SCP2: variants seen among roughly 807,000 people sequenced by gnomAD.
SCP2 encodes SCP-2/3-oxoacyl-CoA thiolase.
A neutral mutation model predicts 71.4 loss-of-function variants in SCP2; 48 were observed. The observed-to-expected ratio is 0.67, with a 90% CI of 0.53 to 0.86. The LOEUF (loss-of-function observed/expected upper bound fraction) is 0.86, where lower values mean the gene tolerates loss of function less well. Ranked by LOEUF, SCP2 falls within the 40% of genes least tolerant of loss-of-function variation. The pLI is 0.00. For missense variants in SCP2, 560 were observed against 655.6 expected (o/e 0.85, Z 1.59); for synonymous variants, 220 against 218.1 (o/e 1.01, Z -0.08).
At chr1:53,037,470 A>C (rs1663039017) in intron 13 of SCP2, among the ~76,000 whole-genome samples, 1 of 152,044 alleles carries the variant, frequency 6.6e-6, no homozygotes, top group African/African-American at 2.4e-5. Flanking sequence ...TGCCTGTAAC[A>C]ATATTTGGCT....
intron 4 of SCP2, 65 bp from the exon 5 acceptor site, chr1:52,954,675 A>T: frequency 8.0e-7 from 1 of 1,249,668 alleles, no homozygotes; most frequent in Non-Finnish European, 1.2e-6. Flanking sequence ...GAATTGAAGT[A>T]TTTAATGGTA....
At chr1:52,939,770 C>G (rs11206046) in intron 1 of SCP2, among the ~76,000 whole-genome samples, 4,000 of 152,170 alleles carry the variant, frequency 0.026, 182 homozygotes, top group African/African-American at 0.091. Flanking sequence ...CCTCTGCCTC[C>G]TGGGTTTTCC....
In SCP2 at chr1:52,931,942, TA is replaced by T. The variant is rs767240143; in HGVS notation, c.69+4486del. Among the ~76,000 whole-genome samples the T allele has an allele frequency of 2.9e-3, 430 of 150,746 alleles. 5 individuals carry two copies. Among genetic ancestry groups the T allele is most frequent in the African/African-American group, 9.7e-3 (400 of 41,154 alleles). On this transcript the variant is annotated intron_variant, in intron 1 of 15. Coordinates refer to ENST00000371514, the MANE Select transcript of SCP2 (RefSeq NM_002979.5). ...CTGAAAAAAGAACTGAGTGCTATTT[TA>T]AAAAAAAAGACATAGGAAAGAGCTC...
rs115479144 is a variant in SCP2, at chr1:53,033,903, A to G, written c.1339-5014A>G. 6.2e-3 allele frequency among the ~76,000 whole-genome samples: 949 copies of G among 152,338 alleles called. 16 individuals are homozygous for G. The highest frequency in any genetic ancestry group is 0.022 in the African/African-American group (912 of 41,568). ...ATAATAGGAAAAAATGAAAACAACC[A>G]TCAGCTGCTGAATACATAAACAAAA... is the stretch of plus-strand genomic sequence containing the variant. On this transcript the variant is annotated intron_variant, in intron 13 of 15. Transcript: ENST00000371514.
chr1:53,010,556 C>T lies in SCP2; in HGVS notation c.1082-4334C>T, dbSNP rs1010597937. The stretch of plus-strand genomic sequence containing the variant: ...GAAAACCAAACACCACATGTTCTCA[C>T]TCATAGGTGGGAATTGAACAATGAG... On this transcript the variant is annotated intron_variant, in intron 11 of 15. Coordinates refer to ENST00000371514, the MANE Select transcript of SCP2 (RefSeq NM_002979.5). 3.3e-5 allele frequency among the ~76,000 whole-genome samples: 5 copies of T among 151,800 alleles called. No individual in the cohort carries two copies. In the South Asian group the frequency reaches 1.0e-3, roughly 32 times the overall value.
chr1:52,941,643 G>A (rs1368223822), intron 1 of SCP2, among the ~76,000 whole-genome samples, 153 bp from the exon 2 acceptor site: 1 of 151,530 alleles, frequency 6.6e-6, no homozygotes, highest in Non-Finnish European at 1.5e-5. Flanking sequence ...GCTGAGCCAG[G>A]AGAATGGCTT....
At chr1:53,019,575 T>G (rs924784911) in intron 12 of SCP2, among the ~76,000 whole-genome samples, 4 of 152,202 alleles carry the variant, frequency 2.6e-5, no homozygotes, top group African/African-American at 9.7e-5. Context: ...GGATCAGTCA[T>G]TTCTCTGAGT....
At chr1:52,948,624 CAAA>C (rs567151231) in intron 3 of SCP2, among the ~76,000 whole-genome samples, 2 of 49,536 alleles carry the variant, frequency 4.0e-5, no homozygotes, top group Admixed American at 2.3e-4. Context: ...GACTCCATCT[CAAA>C]AAAAAAAAAA....
intron 11 of SCP2, 37 bp downstream of exon 11, chr1:52,988,173 A>AT (rs766094464): frequency 9.3e-7 from 1 of 1,078,592 alleles, no homozygotes; most frequent in Non-Finnish European, 1.4e-6. Context: ...TTTTAAAATC[A>AT]TTTTTTCCTT....
intron 4 of SCP2, among the ~76,000 whole-genome samples, chr1:52,951,458 C>CTGAATGAGGTGGCACATTCGTGTG (rs1161034614): frequency 3.3e-5 from 5 of 149,850 alleles, no homozygotes; most frequent in Admixed American, 6.7e-5. Context: ...AAAAAATTAG[C>CTGAATGAGGTGGCACATTCGTGTG]CAGGCGTGGT....
Position 52,966,946 on chromosome 1 carries a change from G to C in SCP2, c.523+5317G>C, listed in dbSNP as rs970297902. Among the ~76,000 whole-genome samples, 4 of 152,074 alleles carry C rather than the reference G, an allele frequency of 2.6e-5. No individual in the cohort carries two copies. The East Asian group carries it at 5.8e-4, about 22-fold the overall frequency. On this transcript the variant is annotated intron_variant, in intron 6 of 15. Transcript: ENST00000371514. ...CTCATGCCTGTAATCCCAGCACTTT[G>C]GGAGGCTAAGGTGGACGGATTACCT...
intron 11 of SCP2, among the ~76,000 whole-genome samples, chr1:52,996,560 AT>A (rs762005692): frequency 6.6e-6 from 1 of 152,068 alleles, no homozygotes; most frequent in Non-Finnish European, 1.5e-5. Context: ...TGTTAGCAGT[AT>A]TTTCTCCATT....
At chr1:52,965,989 T>C (rs1217333361) in intron 6 of SCP2, among the ~76,000 whole-genome samples, 1 of 152,050 alleles carries the variant, frequency 6.6e-6, no homozygotes, top group Admixed American at 6.6e-5. Flanking sequence ...GCTATCTCAC[T>C]GAAGTTTTTA....
intron 13 of SCP2, among the ~76,000 whole-genome samples, chr1:53,029,772 A>G (rs925215108): frequency 7.9e-5 from 12 of 152,230 alleles, no homozygotes; most frequent in African/African-American, 2.7e-4. Context: ...GCATTGGCCT[A>G]GAAGCTGCAG....
intron 13 of SCP2, among the ~76,000 whole-genome samples, chr1:53,037,901 C>T (rs1198688546): frequency 9.6e-6 from 1 of 104,458 alleles, no homozygotes; most frequent in Non-Finnish European, 1.7e-5. Context: ...CACACACACA[C>T]ACACACACAC....
At chr1:52,982,248 T>C (rs1658571891) in intron 10 of SCP2, among the ~76,000 whole-genome samples, 1 of 152,118 alleles carries the variant, frequency 6.6e-6, no homozygotes, top group South Asian at 2.1e-4. Context: ...TGTCTTCAAA[T>C]ATTGTCAAAT....
At chr1:52,965,543 C>T (rs1382071612) in intron 6 of SCP2, among the ~76,000 whole-genome samples, 3 of 152,054 alleles carry the variant, frequency 2.0e-5, no homozygotes, top group Non-Finnish European at 4.4e-5. Flanking sequence ...TCTTTAATTC[C>T]TTTAATCATC....
chr1:52,960,557 T>G (rs565959068), intron 5 of SCP2, among the ~76,000 whole-genome samples: 4 of 142,202 alleles, frequency 2.8e-5, no homozygotes, highest in East Asian at 5.4e-4. Context: ...TACATGTGTA[T>G]ATATGTATGT....
intron 11 of SCP2, among the ~76,000 whole-genome samples, chr1:52,990,530 C>T (rs1401276594): frequency 2.0e-5 from 3 of 151,728 alleles, no homozygotes; most frequent in Non-Finnish European, 4.4e-5. Context: ...GTCAGGAGAT[C>T]AAGACCATCC....
Sources: allele counts gnomAD v4.1 joint callset (sites outside exome capture counted in the v4.1 genomes callset), GRCh38; gene constraint gnomAD v4.1.1; transcripts MANE v1.5; gene names NCBI Gene and HGNC (gene_info 2026-07-23, HGNC 2026-07-21).